MED13L: variants seen among roughly 807,000 people sequenced by gnomAD.
The protein encoded by MED13L is mediator complex subunit 13L.
In MED13L, 7 loss-of-function variants were observed where a neutral mutation model predicts 220.9. The ratio of observed to expected loss-of-function variants is 0.03; its 90% CI spans 0.02 to 0.06. The LOEUF (loss-of-function observed/expected upper bound fraction) is 0.06. Ranked by LOEUF, MED13L falls within the 10% of genes least tolerant of loss-of-function variation. The probability of loss-of-function intolerance (pLI) is 1.00; values close to 1 mark genes in which losing one functional copy is unlikely to be tolerated. For synonymous variants in MED13L, 1,011 were observed against 1,015.2 expected, an observed-to-expected ratio of 1.00 and a Z score of 0.08; for missense variants, 1,965 against 2,760.5, an observed-to-expected ratio of 0.71 and a Z score of 6.46.
intron 2 of MED13L, among the ~76,000 whole-genome samples, chr12:116,116,074 C>T (rs962907831): frequency 2.6e-5 from 4 of 152,168 alleles, no homozygotes; most frequent in African/African-American, 9.7e-5. Flanking sequence ...TGACATACAG[C>T]TCCTAAAATC....
chr12:116,032,395 G>T (rs1425061674), intron 4 of MED13L, among the ~76,000 whole-genome samples: 1 of 152,016 alleles, frequency 6.6e-6, no homozygotes, highest in Non-Finnish European at 1.5e-5. Flanking sequence ...AATGACTCAA[G>T]GACAAAGAGG....
intron 4 of MED13L, among the ~76,000 whole-genome samples, chr12:116,051,235 G>C (rs1188810852): frequency 6.9e-6 from 1 of 144,644 alleles, no homozygotes; most frequent in Non-Finnish European, 1.5e-5. Context: ...AACAGGCCAG[G>C]CATGGTGGCT....
At chr12:116,007,822 T>A (rs1879150975) in intron 10 of MED13L, 186 bp from the exon 11 acceptor site, 1 of 602,340 alleles carries the variant, frequency 1.7e-6, no homozygotes, top group South Asian at 2.1e-5. Context: ...TCTGGGTCCA[T>A]CAATTCCACT....
Position 116,276,635 on chromosome 12 carries a change from G to C in MED13L, c.72+425C>G. 7 of 1,197,430 alleles carry C rather than the reference G, an allele frequency of 5.8e-6. No individual in the cohort carries two copies. In the South Asian group the frequency reaches 1.1e-4, roughly 18 times the overall value. 74.2% of individuals were successfully genotyped at this position (1,197,430 alleles called of 1,614,324 possible). On this transcript the variant is annotated intron_variant, in intron 1 of 30. Coordinates refer to ENST00000281928, the MANE Select transcript of MED13L (RefSeq NM_015335.5). Reference sequence around the variant, plus strand: ...ATTCAAAAGGCAGGCGGGCGGGCAGGCAGCTGATCCAACAACGGGGGAAGA... The same window carrying C: ...ATTCAAAAGGCAGGCGGGCGGGCAGCCAGCTGATCCAACAACGGGGGAAGA...
intron 23 of MED13L, 109 bp from the exon 24 acceptor site, chr12:115,975,847 C>T (rs1211234859): frequency 6.1e-6 from 6 of 990,960 alleles, no homozygotes; most frequent in East Asian, 5.1e-5. Context: ...GGTAGTAAAT[C>T]GTTTCTCTCT....
intron 16 of MED13L, among the ~76,000 whole-genome samples, chr12:115,995,007 G>C (rs1878307418): frequency 6.6e-6 from 1 of 152,218 alleles, no homozygotes; most frequent in African/African-American, 2.4e-5. Flanking sequence ...TATAATTTTT[G>C]CAAGGCAGGA....
chr12:116,260,839 A>G (rs1385675545), intron 1 of MED13L, among the ~76,000 whole-genome samples: 2 of 152,220 alleles, frequency 1.3e-5, no homozygotes, highest in African/African-American at 2.4e-5. Flanking sequence ...CATGTAAAAA[A>G]TTAAACGAGA....
At chr12:116,252,283 A>G (rs1871629096) in intron 1 of MED13L, among the ~76,000 whole-genome samples, 1 of 152,168 alleles carries the variant, frequency 6.6e-6, no homozygotes, top group African/African-American at 2.4e-5. Flanking sequence ...GCTAGTCCAT[A>G]AAACAGTGTT....
intron 4 of MED13L, among the ~76,000 whole-genome samples, chr12:116,083,418 A>C (rs1871368507): frequency 6.6e-6 from 1 of 151,346 alleles, no homozygotes; most frequent in Non-Finnish European, 1.5e-5. Context: ...AAAAAAAAAA[A>C]AAAAAAAAAC....
chr12:115,989,620 A>T (rs1877922889), intron 17 of MED13L, among the ~76,000 whole-genome samples: 1 of 152,128 alleles, frequency 6.6e-6, no homozygotes, highest in Admixed American at 6.6e-5. Context: ...ATCAAAAGGG[A>T]TCTTTAAAAC....
chr12:115,994,703 T>C (rs766628721), intron 16 of MED13L, among the ~76,000 whole-genome samples: 12 of 152,204 alleles, frequency 7.9e-5, no homozygotes, highest in Non-Finnish European at 1.5e-4. Flanking sequence ...ATGTCATTTA[T>C]TGGCAACTGT....
At chr12:116,121,523 G>C (rs1057430752) in intron 2 of MED13L, among the ~76,000 whole-genome samples, 2 of 152,096 alleles carry the variant, frequency 1.3e-5, no homozygotes, top group Admixed American at 1.3e-4. Flanking sequence ...AAAAAAAATG[G>C]GAGGAGGGAG....
intron 2 of MED13L, among the ~76,000 whole-genome samples, chr12:116,233,040 TTGCATCAC>T (rs1234403148): frequency 6.7e-6 from 1 of 149,190 alleles, no homozygotes; most frequent in African/African-American, 2.5e-5. Flanking sequence ...TGAGCCAAGA[TTGCATCAC>T]TGCACTCCAG....
intron 2 of MED13L, among the ~76,000 whole-genome samples, chr12:116,122,095 G>C (rs552729385): frequency 6.6e-6 from 1 of 151,776 alleles, no homozygotes; most frequent in East Asian, 1.9e-4. Flanking sequence ...ACGCATCGTA[G>C]TGTTTAAAAA....
intron 2 of MED13L, among the ~76,000 whole-genome samples, chr12:116,186,730 C>T (rs1475588687): frequency 6.6e-6 from 1 of 152,198 alleles, no homozygotes; most frequent in Non-Finnish European, 1.5e-5. Flanking sequence ...CCTGGACAAG[C>T]TGGAGCAAAA....
chr12:116,132,229 G>A (rs968306945), intron 2 of MED13L, among the ~76,000 whole-genome samples: 10 of 146,870 alleles, frequency 6.8e-5, no homozygotes, highest in African/African-American at 2.5e-4. Context: ...GCAGTGAGCC[G>A]AGATCGTGGC....
At chr12:116,129,153 C>G (rs1370979521) in intron 2 of MED13L, among the ~76,000 whole-genome samples, 2 of 152,122 alleles carry the variant, frequency 1.3e-5, no homozygotes, top group Admixed American at 1.3e-4. Context: ...TAACTCAAGG[C>G]TGGGCATGGT....
intron 2 of MED13L, among the ~76,000 whole-genome samples, chr12:116,204,802 T>C (rs991661660): frequency 5.3e-5 from 8 of 152,222 alleles, no homozygotes; most frequent in African/African-American, 1.9e-4. Context: ...TTAGGTATTA[T>C]TATTATCTTA....
At chr12:116,096,472 T>C (rs941491022) in intron 4 of MED13L, among the ~76,000 whole-genome samples, 197 bp downstream of exon 4, 13 of 151,576 alleles carry the variant, frequency 8.6e-5, no homozygotes, top group East Asian at 1.9e-4. Flanking sequence ...CATGAGTATA[T>C]TGGCAATCAC....
Sources: gnomAD v4.1 joint callset for allele counts (sites outside exome capture counted in the v4.1 genomes callset) on GRCh38, gnomAD v4.1.1 for gene constraint, MANE v1.5 for transcripts, NCBI Gene and HGNC (gene_info 2026-07-23, HGNC 2026-07-21) for gene names.